ODAD2: variants seen among roughly 807,000 people sequenced by gnomAD.
ODAD2 encodes outer dynein arm-docking complex subunit 2.
In ODAD2, 89 loss-of-function variants were observed where a neutral mutation model predicts 106.8. That is an observed-to-expected ratio of 0.83 (90% CI 0.70 to 0.99). The LOEUF is 0.99. Ranked by LOEUF, ODAD2 falls within the 50% of genes least tolerant of loss-of-function variation. ODAD2 has a pLI of 0.00. For synonymous variants in ODAD2, 404 were observed against 436.2 expected (o/e 0.93, Z 0.92); for missense variants, 1,168 against 1,238.5 (o/e 0.94, Z 0.85).
intron 19 of ODAD2, among the ~76,000 whole-genome samples, chr10:27,818,572 C>T (rs577994775): frequency 6.6e-6 from 1 of 152,268 alleles, no homozygotes; most frequent in South Asian, 2.1e-4. Flanking sequence ...AGGACCTAAT[C>T]CTATACTAAG....
At chr10:27,991,228 T>C (rs1850217283) in intron 2 of ODAD2, among the ~76,000 whole-genome samples, 1 of 152,108 alleles carries the variant, frequency 6.6e-6, no homozygotes, top group African/African-American at 2.4e-5. Flanking sequence ...ATGATTTCCA[T>C]GAAATGAAAG....
chr10:27,984,875 T>A (rs1469951451), intron 4 of ODAD2, 144 bp downstream of exon 4: 2 of 386,266 alleles, frequency 5.2e-6, no homozygotes, highest in East Asian at 4.6e-5. Context: ...GGTTCCTTTT[T>A]AATTTTTTAA....
intron 19 of ODAD2, among the ~76,000 whole-genome samples, chr10:27,837,189 CCT>C (rs1375049248): frequency 1.3e-5 from 2 of 152,198 alleles, no homozygotes; most frequent in Non-Finnish European, 2.9e-5. Flanking sequence ...TGCTCCCACC[CCT>C]GTCTGTGCTG....
At chr10:27,897,020 C>A (rs148273306) in intron 17 of ODAD2, among the ~76,000 whole-genome samples, 1 of 152,304 alleles carries the variant, frequency 6.6e-6, no homozygotes, top group African/African-American at 2.4e-5. Context: ...AATTCCTGTA[C>A]TTAATGTACT....
At chr10:27,997,274 ATTG>A (rs575029675) in intron 1 of ODAD2, among the ~76,000 whole-genome samples, 40 of 152,320 alleles carry the variant, frequency 2.6e-4, no homozygotes, top group African/African-American at 8.4e-4. Flanking sequence ...TGAATTTCCC[ATTG>A]TTGTGTAAAA....
At chr10:27,828,536 T>C (rs904832128) in intron 19 of ODAD2, among the ~76,000 whole-genome samples, 8 of 152,248 alleles carry the variant, frequency 5.3e-5, no homozygotes, top group Non-Finnish European at 1.0e-4. Context: ...TGAGGTATTT[T>C]CTGGCTTTTA....
chr10:27,968,090 C>G (rs1479896380), intron 9 of ODAD2, among the ~76,000 whole-genome samples: 2 of 151,122 alleles, frequency 1.3e-5, no homozygotes, highest in Non-Finnish European at 1.5e-5. Flanking sequence ...ACCATCATAA[C>G]AATATTTCAA....
At chr10:27,944,757 G>A (rs960668002) in intron 11 of ODAD2, 59 bp downstream of exon 11, 1 of 1,605,948 alleles carries the variant, frequency 6.2e-7, no homozygotes, top group Non-Finnish European at 8.5e-7. Flanking sequence ...CTAGAGCTAA[G>A]AAGAGAGCCC....
Position 27,978,649 on chromosome 10 carries a change from G to A in ODAD2, c.936+2817C>T, listed in dbSNP as rs377390459. Among the ~76,000 whole-genome samples the A allele has an allele frequency of 1.7e-3, 254 of 151,748 alleles. 1 individual carries two copies. Among genetic ancestry groups the A allele is most frequent in the African/African-American group, 5.3e-3 (220 of 41,386 alleles). ...CTCTACTAAAAATACAAAATTAGCC[G>A]GGTGTGGTGGTGTGCACCTGGAATC... On this transcript the variant is annotated intron_variant, in intron 7 of 19. Transcript: ENST00000305242.
At chr10:27,850,571 C>T (rs1285137679) in intron 19 of ODAD2, among the ~76,000 whole-genome samples, 1 of 150,444 alleles carries the variant, frequency 6.6e-6, no homozygotes, top group African/African-American at 2.4e-5. Context: ...AATAAATAAA[C>T]ATCTACATAA....
chr10:27,901,145 T>A lies in ODAD2; in HGVS notation c.2610+6518A>T, dbSNP rs996030317. 2.6e-5 allele frequency among the ~76,000 whole-genome samples: 4 copies of A among 152,014 alleles called. No individual in the cohort carries two copies. The East Asian group carries it at 7.7e-4, about 29-fold the overall frequency. ...AAAAACTCTACAAGCCAAAAGAGAG[T>A]GGGGGCCAATATTCAACATTCTTAA... On this transcript the variant is annotated intron_variant, in intron 17 of 19. Coordinates refer to ENST00000305242, the MANE Select transcript of ODAD2 (RefSeq NM_018076.5).
intron 10 of ODAD2, chr10:27,957,203 G>A (rs940908522): frequency 3.3e-5 from 5 of 152,258 alleles, no homozygotes; most frequent in East Asian, 1.9e-4. Flanking sequence ...CAAGAAAGAC[G>A]GCAGGAAAAG....
chr10:27,935,296 G>A lies in ODAD2; in HGVS notation c.2253-44C>T, dbSNP rs771413885. On this transcript the variant is annotated intron_variant, in intron 15 of 19. Transcript: ENST00000305242. ...AGAGGAGAATTGGTTTTTGTATAAG[G>A]TTTGCTAAAAATTACTAAATGTTCA... 1.9e-6 allele frequency: 3 copies of A among 1,605,200 alleles called. No individual in the cohort carries two copies. The African/African-American group carries it at 4.0e-5, about 22-fold the overall frequency.
intron 19 of ODAD2, among the ~76,000 whole-genome samples, chr10:27,821,878 TC>T (rs1836642059): frequency 6.6e-6 from 1 of 152,220 alleles, no homozygotes; most frequent in Admixed American, 6.5e-5. Flanking sequence ...TTTTTAATCC[TC>T]CGCCTCCCCT....
Position 27,862,449 on chromosome 10 carries a change from G to A in ODAD2, c.2784C>T (p.Ser928=). ...ITDHGVVPLL[S]KLANTNNNKL... ...TGTTACTTACTGTATTTGCCAGTTTGGACAATAAAGGAACAACTCCATGAT... is the reference window on the plus strand; with the variant it reads ...TGTTACTTACTGTATTTGCCAGTTTAGACAATAAAGGAACAACTCCATGAT... Residue 928 remains serine (S), a synonymous_variant, in exon 18 of 20, where the codon TCC becomes TCT. Transcript: ENST00000305242. 2 of 1,607,254 alleles carry A rather than the reference G, an allele frequency of 1.2e-6. No individual in the cohort carries two copies. The highest frequency in any genetic ancestry group is 1.7e-6 in the Non-Finnish European group (2 of 1,177,428).
intron 17 of ODAD2, among the ~76,000 whole-genome samples, chr10:27,899,688 A>T (rs557102971): frequency 1.3e-5 from 2 of 152,198 alleles, no homozygotes; most frequent in Non-Finnish European, 2.9e-5. Flanking sequence ...AGTGTAAACA[A>T]AGCCTCCAGG....
rs147940376 is a variant in ODAD2, at chr10:27,953,290, C to G, written c.1386+8278G>C. On this transcript the variant is annotated intron_variant, in intron 10 of 19. Transcript: ENST00000305242. ...CATCTTTCATAAATGAAATTTTATACCCATTGAACAATTACATAAAACTGC... is the reference window on the plus strand; with the variant it reads ...CATCTTTCATAAATGAAATTTTATAGCCATTGAACAATTACATAAAACTGC... 3.9e-3 allele frequency among the ~76,000 whole-genome samples: 586 copies of G among 152,206 alleles called. 3 individuals carry two copies. The highest frequency in any genetic ancestry group is 0.014 in the African/African-American group (570 of 41,534).
At chr10:27,836,388 A>G (rs1353057981) in intron 19 of ODAD2, among the ~76,000 whole-genome samples, 3 of 152,160 alleles carry the variant, frequency 2.0e-5, no homozygotes, top group African/African-American at 7.2e-5. Flanking sequence ...ATTTCCCTGC[A>G]TCCTGTCTTT....
chr10:27,951,334 C>A (rs1338695569), intron 10 of ODAD2, among the ~76,000 whole-genome samples: 3 of 152,164 alleles, frequency 2.0e-5, no homozygotes, highest in Non-Finnish European at 4.4e-5. Context: ...AGGTACCTAT[C>A]TGGTCTACCA....
Sources: gnomAD v4.1 joint callset for allele counts (sites outside exome capture counted in the v4.1 genomes callset) on GRCh38, gnomAD v4.1.1 for gene constraint, MANE v1.5 for transcripts, NCBI Gene and HGNC (gene_info 2026-07-23, HGNC 2026-07-21) for gene names.